MTDH: variants seen among roughly 807,000 people sequenced by gnomAD.
MTDH encodes metadherin, also known as protein LYRIC.
MTDH carries 34 observed loss-of-function variants against 72.7 expected under a neutral mutation model. The observed-to-expected ratio is 0.47, with a 90% CI of 0.36 to 0.62. MTDH has a LOEUF of 0.62. MTDH is among the 20% of genes least tolerant of loss of function. MTDH has a pLI of 0.00. For missense variants in MTDH, 677 were observed against 699.4 expected (o/e 0.97, Z 0.36); for synonymous variants, 266 against 268.9 (o/e 0.99, Z 0.10).
At chr8:97,686,885 T>A in intron 3 of MTDH, 133 bp downstream of exon 3, 1 of 434,640 alleles carries the variant, frequency 2.3e-6, no homozygotes, top group Non-Finnish European at 4.0e-6. Flanking sequence ...GACCTTAATA[T>A]ATAGAGCTGT....
intron 8 of MTDH, among the ~76,000 whole-genome samples, chr8:97,708,860 A>G (rs893382536): frequency 1.3e-5 from 2 of 151,864 alleles, no homozygotes; most frequent in Non-Finnish European, 2.9e-5. Flanking sequence ...TTGGCCCCCC[A>G]GAGTGCTGGG....
intron 2 of MTDH, among the ~76,000 whole-genome samples, chr8:97,676,309 C>T (rs1408049929): frequency 1.3e-5 from 2 of 152,146 alleles, no homozygotes; most frequent in African/African-American, 2.4e-5. Flanking sequence ...TAGAAAGTAT[C>T]TTAATGATAA....
chr8:97,671,908 G>A (rs1169312903), intron 2 of MTDH, among the ~76,000 whole-genome samples: 2 of 152,126 alleles, frequency 1.3e-5, no homozygotes. Flanking sequence ...AAAGAGTATC[G>A]TGTGACCCAG....
chr8:97,659,065 T>A (rs561553565), intron 1 of MTDH, among the ~76,000 whole-genome samples: 54 of 151,272 alleles, frequency 3.6e-4, no homozygotes, highest in African/African-American at 1.3e-3. Context: ...ATCGCTTGAA[T>A]CCAGGAGGCA....
chr8:97,707,366 T>C (rs988100629), intron 8 of MTDH, among the ~76,000 whole-genome samples: 4 of 151,530 alleles, frequency 2.6e-5, no homozygotes, highest in African/African-American at 9.7e-5. Context: ...GCAAAGCTGG[T>C]CTCCAACTCC....
chr8:97,692,790 C>CATG (rs1438776667), intron 6 of MTDH, among the ~76,000 whole-genome samples: 2 of 151,352 alleles, frequency 1.3e-5, no homozygotes, highest in Non-Finnish European at 3.0e-5. Context: ...AGTGCAGTGG[C>CATG]ATGATTTCAG....
intron 8 of MTDH, among the ~76,000 whole-genome samples, chr8:97,707,152 C>CTT (rs575001649): frequency 7.6e-6 from 1 of 131,200 alleles, no homozygotes; most frequent in South Asian, 2.4e-4. Flanking sequence ...GTCTTTTTTT[C>CTT]TTTTTTTTTT....
At chr8:97,684,238 A>G (rs552484934) in intron 2 of MTDH, among the ~76,000 whole-genome samples, 2 of 151,820 alleles carry the variant, frequency 1.3e-5, no homozygotes, top group Non-Finnish European at 2.9e-5. Flanking sequence ...TTTACATACT[A>G]TCTTATTGTG....
At chr8:97,675,727 C>T (rs998392782) in intron 2 of MTDH, among the ~76,000 whole-genome samples, 6 of 151,540 alleles carry the variant, frequency 4.0e-5, no homozygotes, top group Non-Finnish European at 5.9e-5. Flanking sequence ...CAAAAATTAG[C>T]CTGGTGTGGT....
intron 6 of MTDH, among the ~76,000 whole-genome samples, chr8:97,697,738 C>T (rs1425751986): frequency 6.6e-6 from 1 of 151,942 alleles, no homozygotes; most frequent in Admixed American, 6.6e-5. Context: ...GCTCATGGAC[C>T]ATATAAAAAC....
intron 8 of MTDH, among the ~76,000 whole-genome samples, chr8:97,711,337 T>TA (rs540690196): frequency 0.25 from 33,063 of 129,894 alleles, 4,056 homozygotes; most frequent in East Asian, 0.34. Flanking sequence ...TATCTCTAAT[T>TA]AAAAAAAAAA....
intron 6 of MTDH, among the ~76,000 whole-genome samples, chr8:97,693,214 T>C (rs1339893417): frequency 6.6e-6 from 1 of 152,260 alleles, no homozygotes; most frequent in East Asian, 1.9e-4. Flanking sequence ...GTTGGGGATT[T>C]TTTTTTTCCG....
chr8:97,703,977 TGAA>T (rs1265075733), intron 7 of MTDH, among the ~76,000 whole-genome samples: 1 of 152,218 alleles, frequency 6.6e-6, no homozygotes. Flanking sequence ...TTGTTTGACA[TGAA>T]GACCCATGCT....
chr8:97,663,748 CAAA>C (rs36101443), intron 2 of MTDH, among the ~76,000 whole-genome samples: 3 of 85,986 alleles, frequency 3.5e-5, no homozygotes, highest in African/African-American at 4.1e-5. Context: ...GACTCTGTCT[CAAA>C]AAAAAAAAAA....
intron 2 of MTDH, among the ~76,000 whole-genome samples, chr8:97,680,894 A>G (rs900802547): frequency 1.3e-5 from 2 of 152,174 alleles, no homozygotes; most frequent in Non-Finnish European, 1.5e-5. Flanking sequence ...ATATAATGAA[A>G]TATCTCTTGT....
chr8:97,704,018 T>G (rs902322951), intron 7 of MTDH, among the ~76,000 whole-genome samples: 1 of 152,254 alleles, frequency 6.6e-6, no homozygotes, highest in African/African-American at 2.4e-5. Flanking sequence ...TATGTAATAC[T>G]GACTCCAGAT....
chr8:97,661,238 C>A, intron 2 of MTDH, 65 bp downstream of exon 2: 3 of 1,208,588 alleles, frequency 2.5e-6, no homozygotes, highest in Non-Finnish European at 2.4e-6. Flanking sequence ...AAGGATAATG[C>A]TTTTCTGTTT....
At chr8:97,719,635 G>A (rs62521706) in intron 10 of MTDH, among the ~76,000 whole-genome samples, 30,407 of 151,970 alleles carry the variant, frequency 0.2, 3,313 homozygotes, top group East Asian at 0.33. Flanking sequence ...AAGGTGAGAC[G>A]CATTTTATAA....
intron 2 of MTDH, among the ~76,000 whole-genome samples, chr8:97,668,127 A>G (rs1450303440): frequency 6.6e-6 from 1 of 152,022 alleles, no homozygotes; most frequent in Non-Finnish European, 1.5e-5. Flanking sequence ...CTCTACTGAA[A>G]ATACAAAAAA....
Sources: gnomAD v4.1 joint callset for allele counts (sites outside exome capture counted in the v4.1 genomes callset) on GRCh38, gnomAD v4.1.1 for gene constraint, MANE v1.5 for transcripts, NCBI Gene and HGNC (gene_info 2026-07-23, HGNC 2026-07-21) for gene names.